The following STK32B variants were observed in gnomAD, a reference collection of about 807,000 sequenced individuals.
STK32B encodes serine/threonine-protein kinase 32B.
Under a neutral mutation model 52.6 loss-of-function variants are expected in STK32B, and 43 were observed. That is an observed-to-expected ratio of 0.82 (90% CI 0.64 to 1.05). The LOEUF is 1.05. Among genes scored for constraint, STK32B ranks in the 50% least tolerant of loss-of-function variants. STK32B has a pLI of 0.00. For synonymous variants in STK32B, 238 were observed against 204.3 expected, an observed-to-expected ratio of 1.17 and a Z score of -1.41; for missense variants, 621 against 534.6, an observed-to-expected ratio of 1.16 and a Z score of -1.59.
intron 4 of STK32B, among the ~76,000 whole-genome samples, chr4:5,354,792 T>C (rs1734065667): frequency 6.6e-6 from 1 of 152,098 alleles, no homozygotes; most frequent in Non-Finnish European, 1.5e-5. Context: ...CATTAAAAAA[T>C]TGTATGTACC....
intron 2 of STK32B, among the ~76,000 whole-genome samples, chr4:5,144,897 A>T (rs1237213567): frequency 1.3e-5 from 2 of 152,220 alleles, no homozygotes; most frequent in Non-Finnish European, 2.9e-5. Context: ...AAAGTAAACC[A>T]GATATGGTGC....
chr4:5,258,712 C>T (rs1726500202), intron 3 of STK32B, among the ~76,000 whole-genome samples: 2 of 152,218 alleles, frequency 1.3e-5, no homozygotes, highest in Non-Finnish European at 2.9e-5. Context: ...ACCATCACCT[C>T]TCTCCTGGGT....
intron 4 of STK32B, among the ~76,000 whole-genome samples, chr4:5,369,006 G>A (rs1298727945): frequency 6.6e-6 from 1 of 152,026 alleles, no homozygotes; most frequent in Non-Finnish European, 1.5e-5. Flanking sequence ...ACACAGAGCT[G>A]TCCACATCGC....
At chr4:5,282,010 G>A (rs575232834) in intron 3 of STK32B, among the ~76,000 whole-genome samples, 4 of 151,664 alleles carry the variant, frequency 2.6e-5, no homozygotes, top group African/African-American at 4.8e-5. Context: ...ATGCTTATGG[G>A]TTATAATGTG....
At chr4:5,109,613 C>T (rs1405407885) in intron 1 of STK32B, among the ~76,000 whole-genome samples, 1 of 152,146 alleles carries the variant, frequency 6.6e-6, no homozygotes, top group Non-Finnish European at 1.5e-5. Context: ...ACAGGCTAGA[C>T]ATAGATGGAA....
At position 5,483,244 on chromosome 4, in the gene STK32B, G is replaced by A. The variant is rs371245416; in HGVS notation, c.1106+15174G>A. Among the ~76,000 whole-genome samples, 677 of 147,774 alleles carry A rather than the reference G, an allele frequency of 4.6e-3. 2 individuals carry two copies. Among genetic ancestry groups the A allele is most frequent in the African/African-American group, 0.017 (628 of 37,376 alleles). ...GACTCTTTTTGGTTGGTAAGCTATT[G>A]ATTATTGCCTCAATTTCAGAGCCTG... On this transcript the variant is annotated intron_variant, in intron 11 of 11. Coordinates refer to ENST00000282908, the MANE Select transcript of STK32B (RefSeq NM_018401.3).
At chr4:5,440,767 G>C (rs1714659696) in intron 6 of STK32B, among the ~76,000 whole-genome samples, 1 of 152,060 alleles carries the variant, frequency 6.6e-6, no homozygotes, top group African/African-American at 2.4e-5. Context: ...TTATTATTTT[G>C]AAATATGTCC....
intron 4 of STK32B, among the ~76,000 whole-genome samples, chr4:5,377,777 G>A (rs1335852527): frequency 1.3e-5 from 2 of 152,142 alleles, no homozygotes; most frequent in Non-Finnish European, 2.9e-5. Context: ...CAGCCACCAT[G>A]TAAGACATGC....
Position 5,399,650 on chromosome 4 carries a change from A to G in STK32B, c.472+1406A>G, listed in dbSNP as rs1000569304. 6.6e-6 allele frequency among the ~76,000 whole-genome samples: 1 copy of G among 152,146 alleles called. No homozygotes were observed. The highest frequency in any genetic ancestry group is 2.4e-5 in the African/African-American group (1 of 41,442). ...AAAAGTCAGGATCTTCAGATGTGGC[A>G]CTCAGCTGAGCCCCCAGCCAGCTGA... On this transcript the variant is annotated intron_variant, in intron 5 of 11. Transcript: ENST00000282908. The surrounding 1 kb of genome is among the most constrained non-coding windows in gnomAD (Gnocchi z 5.4).
intron 3 of STK32B, among the ~76,000 whole-genome samples, chr4:5,189,595 G>A: frequency 6.6e-6 from 1 of 152,162 alleles, no homozygotes; most frequent in South Asian, 2.1e-4. Context: ...TTTGGCAAGT[G>A]TGAATAAACC....
chr4:5,266,572 G>A (rs566804306), intron 3 of STK32B, among the ~76,000 whole-genome samples: 2 of 152,262 alleles, frequency 1.3e-5, no homozygotes, highest in Admixed American at 1.3e-4. Flanking sequence ...AAGTGACCAA[G>A]GAACATACAG....
At chr4:5,487,754 G>A (rs541721844) in intron 11 of STK32B, among the ~76,000 whole-genome samples, 2 of 152,132 alleles carry the variant, frequency 1.3e-5, no homozygotes, top group Admixed American at 6.5e-5. Context: ...TTCTGATATG[G>A]AGTCTCGTTC....
chr4:5,064,768 T>C (rs903381865), intron 1 of STK32B, among the ~76,000 whole-genome samples: 4 of 116,124 alleles, frequency 3.4e-5, no homozygotes, highest in African/African-American at 1.2e-4. Context: ...AAATATATAC[T>C]TATATACATA....
At chr4:5,498,803 A>G in intron 11 of STK32B, 142 bp from the exon 12 acceptor site, 2 of 1,254,094 alleles carry the variant, frequency 1.6e-6, no homozygotes, top group Non-Finnish European at 2.1e-6. Context: ...AGCACCGTGG[A>G]TGCCTTAATG....
chr4:5,206,721 T>C (rs1333733504), intron 3 of STK32B, among the ~76,000 whole-genome samples: 3 of 152,144 alleles, frequency 2.0e-5, no homozygotes, highest in African/African-American at 7.2e-5. Context: ...CTGTTTCTGC[T>C]GAAGTGAGAC....
At chr4:5,056,572 C>T (rs1047858304) in intron 1 of STK32B, among the ~76,000 whole-genome samples, 1 of 152,256 alleles carries the variant, frequency 6.6e-6, no homozygotes, top group African/African-American at 2.4e-5. Flanking sequence ...CAGGCGGGCT[C>T]TCTCTTCATG....
chr4:5,135,863 C>A (rs1002919364), intron 1 of STK32B, among the ~76,000 whole-genome samples: 1 of 152,162 alleles, frequency 6.6e-6, no homozygotes, highest in African/African-American at 2.4e-5. Context: ...TTGATTAGAT[C>A]TGGATCACAA....
intron 2 of STK32B, among the ~76,000 whole-genome samples, chr4:5,149,203 G>A (rs1391467427): frequency 6.6e-6 from 1 of 151,608 alleles, no homozygotes; most frequent in Non-Finnish European, 1.5e-5. Context: ...GTTTTTCTAT[G>A]CATTTATTTT....
Position 5,383,042 on chromosome 4 carries a change from G to T in STK32B, c.435-15165G>T, listed in dbSNP as rs1334867697. Among the ~76,000 whole-genome samples, 4 of 152,154 alleles carry T rather than the reference G, an allele frequency of 2.6e-5. No individual in the cohort carries two copies. In the East Asian group the frequency reaches 7.7e-4, roughly 29 times the overall value. Reference sequence around the variant, plus strand: ...CTTAAAATATTAATTCACCGGAAAGGTCTCCACGTCGACTCTGCTTTCAAA... The same window carrying T: ...CTTAAAATATTAATTCACCGGAAAGTTCTCCACGTCGACTCTGCTTTCAAA... On this transcript the variant is annotated intron_variant, in intron 4 of 11. Transcript: ENST00000282908.
Sources: gnomAD v4.1 joint callset for allele counts (sites outside exome capture counted in the v4.1 genomes callset) on GRCh38, gnomAD v4.1.1 for gene constraint, Gnocchi (gnomAD v3.1) non-coding constraint, MANE v1.5 for transcripts, NCBI Gene and HGNC (gene_info 2026-07-23, HGNC 2026-07-21) for gene names.